The following LRP1B variants were observed in gnomAD, a reference collection of about 807,000 sequenced individuals.
LRP1B encodes low-density lipoprotein receptor-related protein 1B.
Under a neutral mutation model 556.6 loss-of-function variants are expected in LRP1B, and 217 were observed. The observed-to-expected ratio is 0.39, with a 90% confidence interval of 0.35 to 0.44. The LOEUF (loss-of-function observed/expected upper bound fraction) is 0.44. LRP1B is among the 20% of genes least tolerant of loss of function. The pLI, the probability that LRP1B is intolerant of heterozygous loss-of-function variation, is 1.00. For synonymous variants in LRP1B, 2,047 were observed against 1,865.8 expected (o/e 1.10, Z -2.50); for missense variants, 5,053 against 5,620.8 (o/e 0.90, Z 3.23).
At chr2:141,945,404 T>A (rs1422622696) in intron 1 of LRP1B, among the ~76,000 whole-genome samples, 1 of 152,098 alleles carries the variant, frequency 6.6e-6, no homozygotes, top group Admixed American at 6.6e-5. Flanking sequence ...TGAAGTTAAC[T>A]TTTAACGGCC....
chr2:140,606,771 T>TCA (rs756655450), intron 41 of LRP1B, among the ~76,000 whole-genome samples: 6 of 151,826 alleles, frequency 4.0e-5, no homozygotes, highest in Non-Finnish European at 7.4e-5. Flanking sequence ...CTTCTTCATA[T>TCA]CACACACACA....
chr2:140,430,593 CCCACCTATTCCCCTGCTGAAACTT>C, intron 66 of LRP1B, among the ~76,000 whole-genome samples: 1 of 152,304 alleles, frequency 6.6e-6, no homozygotes, highest in Middle Eastern at 3.4e-3. Context: ...ATCGGTCACT[CCCACCTATTCCCCTGCTGAAACTT>C]CCACCTATCA....
intron 2 of LRP1B, among the ~76,000 whole-genome samples, chr2:141,495,871 C>T (rs1229358094): frequency 6.6e-6 from 1 of 151,920 alleles, no homozygotes; most frequent in Non-Finnish European, 1.5e-5. Flanking sequence ...TGTAGCTTCA[C>T]CTATGTTCTC....
chr2:141,727,832 C>CAT (rs1693100051), intron 2 of LRP1B, among the ~76,000 whole-genome samples: 1 of 151,892 alleles, frequency 6.6e-6, no homozygotes, highest in Non-Finnish European at 1.5e-5. Flanking sequence ...TATACACACA[C>CAT]ATATATATAT....
At chr2:141,247,469 T>TAA (rs1558958318) in intron 4 of LRP1B, 115 bp from the exon 5 acceptor site, 1 of 1,197,044 alleles carries the variant, frequency 8.4e-7, no homozygotes, top group Non-Finnish European at 1.2e-6. Context: ...GAAAAGCCAA[T>TAA]TCCAATAAGT....
chr2:140,652,730 T>G (rs1452597267), intron 41 of LRP1B, among the ~76,000 whole-genome samples: 1 of 151,932 alleles, frequency 6.6e-6, no homozygotes, highest in African/African-American at 2.4e-5. Flanking sequence ...GGAGCAAAAA[T>G]AAATTGTTCC....
chr2:140,554,066 A>T (rs1680642824), intron 43 of LRP1B, among the ~76,000 whole-genome samples: 1 of 152,086 alleles, frequency 6.6e-6, no homozygotes, highest in Non-Finnish European at 1.5e-5. Flanking sequence ...AAAGAACTCT[A>T]TTCTGAGACT....
chr2:142,122,131 C>G (rs72852610), intron 1 of LRP1B, among the ~76,000 whole-genome samples: 10,673 of 152,092 alleles, frequency 0.07, 513 homozygotes, highest in Non-Finnish European at 0.099. Flanking sequence ...TTCTGTAAAA[C>G]TCTGGTGGTG....
chr2:142,035,470 T>A (rs1438491015), intron 1 of LRP1B, among the ~76,000 whole-genome samples: 1 of 151,620 alleles, frequency 6.6e-6, no homozygotes, highest in African/African-American at 2.4e-5. Context: ...TTGTATTTTT[T>A]TTTTTAATAT....
At chr2:141,462,878 CT>C (rs1681939154) in intron 3 of LRP1B, among the ~76,000 whole-genome samples, 1 of 151,918 alleles carries the variant, frequency 6.6e-6, no homozygotes, top group Non-Finnish European at 1.5e-5. Flanking sequence ...GTATGAATGG[CT>C]ATTATATCAT....
chr2:140,238,341 C>G (rs201081715), intron 88 of LRP1B, 45 bp from the exon 89 acceptor site: 1 of 986,792 alleles, frequency 1.0e-6, no homozygotes, highest in African/African-American at 1.7e-5. Flanking sequence ...GTATAAATAT[C>G]ACAATCAAGG....
chr2:141,273,590 G>A (rs1008787467), intron 3 of LRP1B, among the ~76,000 whole-genome samples: 1 of 152,148 alleles, frequency 6.6e-6, no homozygotes, highest in South Asian at 2.1e-4. Flanking sequence ...AGAATGGACT[G>A]CTGGCCTCAG....
chr2:140,381,221 C>A (rs1174940448), intron 67 of LRP1B, among the ~76,000 whole-genome samples: 2 of 152,072 alleles, frequency 1.3e-5, no homozygotes, highest in East Asian at 3.9e-4. Context: ...TAACTTTGAT[C>A]TTATTTGGAT....
At chr2:140,978,503 T>C (rs1997077) in intron 18 of LRP1B, among the ~76,000 whole-genome samples, 1 of 152,098 alleles carries the variant, frequency 6.6e-6, no homozygotes. Context: ...AAGCAAAATA[T>C]GGCCAGTATG....
chr2:141,204,861 C>T (rs982169329), intron 6 of LRP1B, among the ~76,000 whole-genome samples: 1 of 151,786 alleles, frequency 6.6e-6, no homozygotes, highest in African/African-American at 2.4e-5. Flanking sequence ...CTCTTGAACC[C>T]AAGAGGTGGG....
At chr2:140,887,941 G>T (rs1037108238) in intron 23 of LRP1B, among the ~76,000 whole-genome samples, 10 of 152,080 alleles carry the variant, frequency 6.6e-5, no homozygotes, top group African/African-American at 2.4e-4. Flanking sequence ...TTGTTTTGGG[G>T]TGATTAAAGT....
At chr2:140,558,780 CA>C (rs199919628) in intron 43 of LRP1B, among the ~76,000 whole-genome samples, 11 of 149,340 alleles carry the variant, frequency 7.4e-5, no homozygotes, top group African/African-American at 2.0e-4. Flanking sequence ...ACAAAAAATA[CA>C]AAAAAAAAGC....
intron 3 of LRP1B, among the ~76,000 whole-genome samples, chr2:141,293,041 T>G (rs1686039402): frequency 6.6e-6 from 1 of 152,192 alleles, no homozygotes; most frequent in Non-Finnish European, 1.5e-5. Context: ...CTTTATGCTA[T>G]TCTAAAAAAA....
intron 3 of LRP1B, among the ~76,000 whole-genome samples, chr2:141,475,152 C>T (rs539430870): frequency 2.0e-4 from 30 of 152,082 alleles, no homozygotes; most frequent in African/African-American, 6.8e-4. Context: ...GCAGGTGGAT[C>T]ACTTTATGTC....
Sources: gnomAD v4.1 joint callset for allele counts (sites outside exome capture counted in the v4.1 genomes callset) on GRCh38, gnomAD v4.1.1 for gene constraint, MANE v1.5 for transcripts, NCBI Gene and HGNC (gene_info 2026-07-23, HGNC 2026-07-21) for gene names.